The following RPL31 variants were observed in gnomAD, a reference collection of about 807,000 sequenced individuals.
RPL31 encodes the protein ribosomal protein L31.
For missense variants in RPL31, 95 were observed against 164.0 expected (o/e 0.58, Z 2.30); for synonymous variants, 51 against 55.0 (o/e 0.93, Z 0.32).
chr2:101,008,411 C>T (rs1049981887), downstream of RPL31: 1 of 713,158 alleles, frequency 1.4e-6, no homozygotes, highest in South Asian at 2.3e-5. Flanking sequence ...TAGTCTCTGC[C>T]TTTCCACTCT....
At chr2:101,009,885 G>A (rs556193625), downstream of RPL31, among the ~76,000 whole-genome samples, 483 of 149,814 alleles carry the variant, frequency 3.2e-3, 2 homozygotes, top group Non-Finnish European at 5.7e-3. Flanking sequence ...GCAGTGGTGC[G>A]ATCTCGGCTC....
chr2:101,011,032 A>C (rs367805824), downstream of RPL31: 22 of 1,608,972 alleles, frequency 1.4e-5, no homozygotes, highest in African/African-American at 2.7e-5. Context: ...ATCACCTTGA[A>C]ACAAAGGAAA....
chr2:101,004,572 A>G (rs1678648553), intron 3 of RPL31: 1 of 426,830 alleles, frequency 2.3e-6, no homozygotes, highest in South Asian at 6.3e-5. Context: ...GAACGCAGGT[A>G]AAGTGGAATA....
chr2:101,016,715 A>C (rs1001751709), intron 4 of RPL31, among the ~76,000 whole-genome samples: 5 of 152,264 alleles, frequency 3.3e-5, no homozygotes, highest in African/African-American at 1.2e-4. Context: ...AAAATGTGAC[A>C]CATATACACC....
chr2:101,018,874 T>C, intron 4 of RPL31: 1 of 1,242,562 alleles, frequency 8.0e-7, no homozygotes, highest in Non-Finnish European at 1.1e-6. Context: ...CTAAGCAAAA[T>C]GGCCAATATC....
chr2:101,011,019 T>C, downstream of RPL31: 2 of 1,612,020 alleles, frequency 1.2e-6, no homozygotes, highest in Non-Finnish European at 1.7e-6. Flanking sequence ...GATAATCAAC[T>C]GCATCACCTT....
chr2:101,019,036 T>C (rs1178170989), exon 5 of RPL31: 1 of 1,611,586 alleles, frequency 6.2e-7, no homozygotes. Context: ...CAAGAGCCCA[T>C]AAAGGGAGCC....
chr2:101,016,084 A>C (rs1196096352), intron 4 of RPL31, among the ~76,000 whole-genome samples: 1 of 152,082 alleles, frequency 6.6e-6, no homozygotes, highest in Non-Finnish European at 1.5e-5. Context: ...GGATCTAATT[A>C]AACTAAAGAG....
At position 101,006,529 on chromosome 2, in the gene RPL31, C is replaced by A; in HGVS notation, c.*148C>A. ...AAATTGATGGCCTGTGCTGCCTTCT[C>A]CCCATCCCCTGGGGTTTTAAAGTGA... On this transcript the variant is annotated 3_prime_UTR_variant, in exon 5 of 5. Coordinates refer to ENST00000264258, the MANE Select transcript of RPL31 (RefSeq NM_000993.5). 1 of 726,104 alleles carries A rather than the reference C, an allele frequency of 1.4e-6. No individual in the cohort carries two copies. The highest frequency in any genetic ancestry group is 2.1e-6 in the Non-Finnish European group (1 of 465,970). 45.0% of individuals were successfully genotyped at this position (726,104 alleles called of 1,614,324 possible). A position where few individuals can be genotyped will look rare whatever the true frequency, so the allele number is the denominator to read the frequency against.
intron 4 of RPL31, among the ~76,000 whole-genome samples, chr2:101,016,244 C>T (rs1679626443): frequency 6.6e-6 from 1 of 152,114 alleles, no homozygotes; most frequent in Non-Finnish European, 1.5e-5. Flanking sequence ...ACAAACAACG[C>T]CATCAAAAAG....
intron 4 of RPL31, among the ~76,000 whole-genome samples, chr2:101,014,228 A>T (rs550063691): frequency 6.6e-6 from 1 of 151,310 alleles, no homozygotes; most frequent in Non-Finnish European, 1.5e-5. Flanking sequence ...TTTATATTCT[A>T]TGTTTCCATA....
At chr2:101,004,673 CG>C (rs1558958149) in intron 3 of RPL31, 2 of 206,780 alleles carry the variant, frequency 9.7e-6, no homozygotes, top group African/African-American at 4.8e-5. Context: ...TCTTGGCCTG[CG>C]GCAGTTTTAC....
Position 101,014,083 on chromosome 2 carries a change from T to A in RPL31, c.347-4915T>A, listed in dbSNP as rs559225713. Among the ~76,000 whole-genome samples the A allele has an allele frequency of 6.6e-5, 10 of 152,314 alleles. No individual in the cohort carries two copies. The East Asian group carries it at 1.9e-3, about 29-fold the overall frequency. ...ATGCAACAGCTACTGGAGGCAGGGATCATACATCCAATTTCTTAGTGGTGG... is the reference window on the plus strand; with the variant it reads ...ATGCAACAGCTACTGGAGGCAGGGAACATACATCCAATTTCTTAGTGGTGG... On this transcript the variant is annotated intron_variant, in intron 4 of 4. Coordinates refer to the RPL31 transcript ENST00000409028.
chr2:101,016,512 G>T (rs1679647518), intron 4 of RPL31, among the ~76,000 whole-genome samples: 1 of 152,312 alleles, frequency 6.6e-6, no homozygotes, highest in African/African-American at 2.4e-5. Flanking sequence ...GGAAGTCAGT[G>T]TGGCGATTCC....
At chr2:101,019,021 G>C in exon 5 of RPL31, 1 of 1,612,376 alleles carries the variant, frequency 6.2e-7, no homozygotes, top group Non-Finnish European at 8.5e-7. Flanking sequence ...CAGTGTTACA[G>C]TCGCCAAGAG....
chr2:101,004,621 T>G (rs1323830626), intron 3 of RPL31: 8 of 315,994 alleles, frequency 2.5e-5, no homozygotes, highest in Admixed American at 4.9e-5. Flanking sequence ...GGGGTGAGGG[T>G]CGCTCTAGAC....
At chr2:101,013,809 TC>T (rs1192549233) in intron 4 of RPL31, among the ~76,000 whole-genome samples, 2 of 152,248 alleles carry the variant, frequency 1.3e-5, no homozygotes, top group African/African-American at 4.8e-5. Flanking sequence ...AATCTGGCCT[TC>T]AGATGCAGTT....
downstream of RPL31, chr2:101,008,084 A>G: frequency 6.2e-7 from 1 of 1,613,864 alleles, no homozygotes; most frequent in South Asian, 1.1e-5. Flanking sequence ...TCCTCAGGAG[A>G]AGGAGCTGAA....
intron 4 of RPL31, chr2:101,017,933 T>C: frequency 1.9e-6 from 3 of 1,550,592 alleles, no homozygotes; most frequent in Non-Finnish European, 2.6e-6. Flanking sequence ...GGAAAGCAAA[T>C]GGCATTTTCT....
Sources: allele counts gnomAD v4.1 joint callset (sites outside exome capture counted in the v4.1 genomes callset), GRCh38; gene constraint gnomAD v4.1.1; transcripts MANE v1.5; gene names NCBI Gene and HGNC (gene_info 2026-07-23, HGNC 2026-07-21).